Variants in CUBN observed in about 807,000 individuals in gnomAD.
The protein encoded by CUBN is 460 kDa receptor.
CUBN carries 282 observed loss-of-function variants against 405.3 expected under a neutral mutation model. That is an observed-to-expected ratio of 0.70 (90% CI 0.63 to 0.77). The LOEUF (loss-of-function observed/expected upper bound fraction) is 0.77, where lower values mean the gene tolerates loss of function less well. Among genes scored for constraint, CUBN ranks in the 30% least tolerant of loss-of-function variants. The pLI, the probability that CUBN is intolerant of heterozygous loss-of-function variation, is 0.00. For missense variants in CUBN, 4,514 were observed against 4,475.2 expected, an observed-to-expected ratio of 1.01 and a Z score of -0.25; for synonymous variants, 1,684 against 1,617.0, an observed-to-expected ratio of 1.04 and a Z score of -0.99.
chr10:16,943,012 C>G (rs1385891799), intron 36 of CUBN, among the ~76,000 whole-genome samples: 2 of 152,192 alleles, frequency 1.3e-5, no homozygotes, highest in African/African-American at 4.8e-5. Context: ...GTATAGTGCT[C>G]CCCTGGGGCT....
intron 14 of CUBN, among the ~76,000 whole-genome samples, chr10:17,094,072 AC>A (rs1836321808): frequency 6.6e-6 from 1 of 152,072 alleles, no homozygotes; most frequent in African/African-American, 2.4e-5. Flanking sequence ...ACTCTCAGTG[AC>A]TCTCAAGCAG....
chr10:16,986,101 C>T (rs1287767151), intron 29 of CUBN, among the ~76,000 whole-genome samples: 1 of 152,222 alleles, frequency 6.6e-6, no homozygotes, highest in Non-Finnish European at 1.5e-5. Context: ...CAGGTCTTTT[C>T]AAACTTCGAT....
intron 14 of CUBN, among the ~76,000 whole-genome samples, chr10:17,095,456 C>T (rs1383881245): frequency 4.6e-5 from 7 of 152,010 alleles, no homozygotes; most frequent in African/African-American, 1.7e-4. Flanking sequence ...TCCAAATAGA[C>T]ATTTCTGAAT....
At chr10:17,011,989 T>C (rs541456405) in intron 28 of CUBN, among the ~76,000 whole-genome samples, 2 of 152,274 alleles carry the variant, frequency 1.3e-5, no homozygotes, top group South Asian at 2.1e-4. Context: ...ATGACCACTC[T>C]AGCTACTTCC....
At chr10:17,104,925 C>G (rs1045971830) in intron 11 of CUBN, among the ~76,000 whole-genome samples, 11 of 151,122 alleles carry the variant, frequency 7.3e-5, no homozygotes, top group Admixed American at 7.3e-4. Context: ...TCTCCGGTCT[C>G]AGCCTCCTGA....
intron 6 of CUBN, 68 bp downstream of exon 6, chr10:17,122,727 T>G: frequency 2.2e-6 from 2 of 925,814 alleles, no homozygotes; most frequent in East Asian, 4.9e-5. Context: ...TAGGATGCTC[T>G]TAACTATGGG....
chr10:17,111,140 C>T (rs1016248459), intron 8 of CUBN, 90 bp from the exon 9 acceptor site: 1 of 1,402,334 alleles, frequency 7.1e-7, no homozygotes, highest in Non-Finnish European at 1.0e-6. Context: ...AAACCTTCTC[C>T]ACCTAAGGAA....
chr10:17,022,994 A>G (rs147510770), intron 27 of CUBN, among the ~76,000 whole-genome samples: 1 of 152,194 alleles, frequency 6.6e-6, no homozygotes, highest in African/African-American at 2.4e-5. Flanking sequence ...CATGTTGCGG[A>G]ATTATATTTC....
intron 39 of CUBN, among the ~76,000 whole-genome samples, chr10:16,937,215 G>T (rs1842533620): frequency 6.6e-6 from 1 of 152,120 alleles, no homozygotes. Context: ...AAAATGCAGA[G>T]GAAAAATAGT....
Position 17,115,436 on chromosome 10 carries a change from C to T in CUBN, c.720+35G>A, listed in dbSNP as rs2131313977. On this transcript the variant is annotated intron_variant, in intron 7 of 66. Coordinates refer to ENST00000377833, the MANE Select transcript of CUBN (RefSeq NM_001081.4). The stretch of plus-strand genomic sequence containing the variant: ...GGAGGAGGAGCTACTAACCATGGCT[C>T]TCTGCAAGGAGGCACATTTGGGGAA... 3 of 1,612,652 alleles carry T rather than the reference C, an allele frequency of 1.9e-6. No individual in the cohort carries two copies. The East Asian group carries it at 6.7e-5, about 36-fold the overall frequency.
chr10:17,106,295 T>C (rs543434052), intron 10 of CUBN, among the ~76,000 whole-genome samples: 2 of 135,450 alleles, frequency 1.5e-5, no homozygotes, highest in Non-Finnish European at 3.2e-5. Flanking sequence ...CAAGAAAAAA[T>C]TTTTTAATTA....
intron 40 of CUBN, 111 bp from the exon 41 acceptor site, chr10:16,928,414 C>T (rs1201969083): frequency 2.9e-5 from 34 of 1,154,912 alleles, no homozygotes; most frequent in Non-Finnish European, 3.7e-5. Context: ...CATCAGGACT[C>T]GTAGGAGATA....
chr10:17,055,360 G>A (rs980010645), intron 22 of CUBN, among the ~76,000 whole-genome samples: 2 of 151,942 alleles, frequency 1.3e-5, no homozygotes, highest in South Asian at 2.1e-4. Context: ...TAAGAAAAAG[G>A]CCAACATTCC....
chr10:16,904,138 T>C (rs1368353133), intron 50 of CUBN, 23 bp from the exon 51 acceptor site: 2 of 1,611,380 alleles, frequency 1.2e-6, no homozygotes, highest in East Asian at 4.5e-5. Flanking sequence ...ATATACCAAG[T>C]GCCATCATTG....
At chr10:16,926,213 A>G (rs1842184885) in intron 41 of CUBN, among the ~76,000 whole-genome samples, 1 of 152,208 alleles carries the variant, frequency 6.6e-6, no homozygotes. Flanking sequence ...GGATCAAGCC[A>G]GATAGTTATG....
intron 35 of CUBN, 81 bp downstream of exon 35, chr10:16,948,397 A>C: frequency 1.3e-6 from 2 of 1,594,974 alleles, no homozygotes. Context: ...CCAACTACGA[A>C]GGTCAGAGTC....
At chr10:16,962,824 C>A (rs963344479) in intron 31 of CUBN, among the ~76,000 whole-genome samples, 3 of 152,136 alleles carry the variant, frequency 2.0e-5, no homozygotes, top group African/African-American at 4.8e-5. Flanking sequence ...AGCCAGGAAG[C>A]ATGCAGGTGA....
chr10:17,100,030 T>C lies in CUBN; in HGVS notation c.1740A>G (p.Thr580=), dbSNP rs761020917. Residue 580 remains threonine (T), a synonymous_variant, in exon 14 of 67, where the codon ACA becomes ACG. Transcript: ENST00000377833. ...CTGGTTGCTGTGTTTCCCATCTTACTGTAAAGCCTCTCCCATTTCTTAAAT... is the reference window on the plus strand; with the variant it reads ...CTGGTTGCTGTGTTTCCCATCTTACCGTAAAGCCTCTCCCATTTCTTAAAT... ...SEHLRNGRGF[T]VRWETQQPEC... 6.2e-7 allele frequency: 1 copy of C among 1,613,570 alleles called. No homozygotes were observed. Among genetic ancestry groups the C allele is most frequent in the South Asian group, 1.1e-5 (1 of 91,074 alleles).
chr10:16,916,800 TTTC>T (rs1841897125), intron 45 of CUBN, among the ~76,000 whole-genome samples: 1 of 151,588 alleles, frequency 6.6e-6, no homozygotes, highest in African/African-American at 2.4e-5. Flanking sequence ...GCTTTCTTTT[TTTC>T]TTTTCTTTTT....
Sources: allele counts gnomAD v4.1 joint callset (sites outside exome capture counted in the v4.1 genomes callset), GRCh38; gene constraint gnomAD v4.1.1; transcripts MANE v1.5; gene names NCBI Gene and HGNC (gene_info 2026-07-23, HGNC 2026-07-21).